Variants in CDH13 observed in about 807,000 individuals in gnomAD.
The protein encoded by CDH13 is cadherin-13.
Under a neutral mutation model 63.8 loss-of-function variants are expected in CDH13, and 24 were observed. The ratio of observed to expected loss-of-function variants is 0.38; its 90% CI spans 0.27 to 0.53. The LOEUF is 0.53. Ranked by LOEUF, CDH13 falls within the 20% of genes least tolerant of loss-of-function variation. The probability of loss-of-function intolerance (pLI) is 0.85; values close to 1 mark genes in which losing one functional copy is unlikely to be tolerated. For missense variants in CDH13, 1,049 were observed against 903.1 expected (o/e 1.16, Z -2.07); for synonymous variants, 503 against 355.3 (o/e 1.42, Z -4.67).
intron 1 of CDH13, among the ~76,000 whole-genome samples, chr16:82,672,819 A>AAT (rs1913423287): frequency 6.6e-6 from 1 of 150,382 alleles, no homozygotes; most frequent in Non-Finnish European, 1.5e-5. Context: ...ACACACACAA[A>AAT]ATATATATAT....
intron 1 of CDH13, among the ~76,000 whole-genome samples, chr16:82,667,946 C>T (rs976400070): frequency 3.3e-5 from 5 of 152,122 alleles, no homozygotes; most frequent in Non-Finnish European, 7.4e-5. Flanking sequence ...GTATTTGTCA[C>T]GCTGACCTAA....
intron 6 of CDH13, among the ~76,000 whole-genome samples, chr16:83,476,479 C>T (rs1249650607): frequency 6.6e-6 from 1 of 152,180 alleles, no homozygotes; most frequent in Non-Finnish European, 1.5e-5. Context: ...TTGAGACCAG[C>T]CTGGCCAACA....
At chr16:83,605,292 A>G (rs1165606996) in intron 8 of CDH13, among the ~76,000 whole-genome samples, 1 of 152,246 alleles carries the variant, frequency 6.6e-6, no homozygotes, top group African/African-American at 2.4e-5. Context: ...AATGTCCCAA[A>G]GGAGTCTTTG....
At chr16:83,519,209 C>G (rs901490010) in intron 7 of CDH13, among the ~76,000 whole-genome samples, 1 of 152,080 alleles carries the variant, frequency 6.6e-6, no homozygotes, top group African/African-American at 2.4e-5. Flanking sequence ...GGAGAAATAC[C>G]AGGAGTCTTG....
At chr16:83,072,123 T>C (rs2032482527) in intron 3 of CDH13, among the ~76,000 whole-genome samples, 1 of 152,200 alleles carries the variant, frequency 6.6e-6, no homozygotes, top group South Asian at 2.1e-4. Flanking sequence ...TTGTTCCATC[T>C]TTTTGGTACT....
At chr16:83,763,972 G>C (rs1015549358) in intron 11 of CDH13, among the ~76,000 whole-genome samples, 1 of 152,160 alleles carries the variant, frequency 6.6e-6, no homozygotes, top group African/African-American at 2.4e-5. Context: ...TGATAGCCGA[G>C]AGACTTACAC....
intron 1 of CDH13, among the ~76,000 whole-genome samples, chr16:82,799,922 C>T (rs1181484128): frequency 6.6e-6 from 1 of 152,150 alleles, no homozygotes; most frequent in African/African-American, 2.4e-5. Flanking sequence ...CGTATTGACT[C>T]CTAGGTAGGA....
At chr16:82,822,105 G>T (rs2038030960) in intron 1 of CDH13, among the ~76,000 whole-genome samples, 1 of 152,136 alleles carries the variant, frequency 6.6e-6, no homozygotes. Context: ...ACAGACATTT[G>T]CCTCACCCCA....
chr16:82,765,041 C>T (rs538788256), intron 1 of CDH13, among the ~76,000 whole-genome samples: 1 of 152,160 alleles, frequency 6.6e-6, no homozygotes, highest in Non-Finnish European at 1.5e-5. Flanking sequence ...GTCTCAAACT[C>T]CTGACCTCAG....
At position 83,061,377 on chromosome 16, in the gene CDH13, C is replaced by A. The variant is rs528048330; in HGVS notation, c.366+29159C>A. Among the ~76,000 whole-genome samples the A allele has an allele frequency of 2.3e-4, 35 of 152,302 alleles. No individual in the cohort carries two copies. The South Asian group carries it at 6.2e-3, about 27-fold the overall frequency. On this transcript the variant is annotated intron_variant, in intron 3 of 13. Transcript: ENST00000567109. ...GTGTCCCTTACACCATGTGAATTCC[C>A]AGCATCATGGTTTATGCTAATCCTC... is the stretch of plus-strand genomic sequence containing the variant.
At chr16:83,529,020 A>C (rs2075023553) in intron 7 of CDH13, among the ~76,000 whole-genome samples, 1 of 151,980 alleles carries the variant, frequency 6.6e-6, no homozygotes, top group South Asian at 2.1e-4. Flanking sequence ...TTTAGGGAGT[A>C]TGAAAATCTC....
chr16:83,496,817 A>G (rs2074156841), intron 7 of CDH13, among the ~76,000 whole-genome samples: 2 of 152,230 alleles, frequency 1.3e-5, no homozygotes. Flanking sequence ...TTTACAAGAA[A>G]AAAACAAACA....
At chr16:83,015,461 C>T (rs954892210) in intron 2 of CDH13, among the ~76,000 whole-genome samples, 1 of 151,266 alleles carries the variant, frequency 6.6e-6, no homozygotes, top group Non-Finnish European at 1.5e-5. Context: ...ATCTTCCCAG[C>T]ATATGTAAAG....
At chr16:82,651,753 G>C (rs1409147843) in intron 1 of CDH13, among the ~76,000 whole-genome samples, 1 of 152,236 alleles carries the variant, frequency 6.6e-6, no homozygotes, top group East Asian at 1.9e-4. Flanking sequence ...GGTTTTCCCT[G>C]CTATAAGCAT....
At chr16:83,725,139 A>G (rs1337036513) in intron 10 of CDH13, among the ~76,000 whole-genome samples, 1 of 152,212 alleles carries the variant, frequency 6.6e-6, no homozygotes, top group Non-Finnish European at 1.5e-5. Flanking sequence ...AGCAGCAGAG[A>G]GAAAGGCACA....
At chr16:83,181,844 T>C (rs761577904) in intron 4 of CDH13, among the ~76,000 whole-genome samples, 13 of 152,130 alleles carry the variant, frequency 8.5e-5, no homozygotes, top group Non-Finnish European at 1.5e-4. Flanking sequence ...ACAGTTTGCA[T>C]AGATTTCCCA....
chr16:83,056,930 G>A lies in CDH13; in HGVS notation c.366+24712G>A, dbSNP rs2031006795. Among the ~76,000 whole-genome samples, 3 of 152,146 alleles carry A rather than the reference G, an allele frequency of 2.0e-5. No homozygotes were observed. In the South Asian group the frequency reaches 6.2e-4, roughly 32 times the overall value. On this transcript the variant is annotated intron_variant, in intron 3 of 13. Transcript: ENST00000567109. ...ATTGTGAGTCCTCCCCGGCTATGTG[G>A]AACTGTGAGTCCATTAAACCTTTTT...
At chr16:83,331,735 A>G (rs557318461) in intron 5 of CDH13, among the ~76,000 whole-genome samples, 1 of 152,334 alleles carries the variant, frequency 6.6e-6, no homozygotes, top group East Asian at 1.9e-4. Flanking sequence ...AGTTTTAGTC[A>G]GAATTTGTAC....
At chr16:83,338,704 C>T (rs369062802) in intron 5 of CDH13, among the ~76,000 whole-genome samples, 31 of 152,102 alleles carry the variant, frequency 2.0e-4, no homozygotes, top group African/African-American at 6.0e-4. Context: ...AGCAAGGAAG[C>T]GTAGGTAGGA....
Sources: gnomAD v4.1 joint callset for allele counts (sites outside exome capture counted in the v4.1 genomes callset) on GRCh38, gnomAD v4.1.1 for gene constraint, MANE v1.5 for transcripts, NCBI Gene and HGNC (gene_info 2026-07-23, HGNC 2026-07-21) for gene names.